The following FANCC variants were observed in gnomAD, a reference collection of about 807,000 sequenced individuals.
FANCC encodes Fanconi anemia group C protein.
In FANCC, 55 loss-of-function variants were observed where a neutral mutation model predicts 71.3. That is an observed-to-expected ratio of 0.77 (90% CI 0.62 to 0.97). FANCC has a LOEUF of 0.97. Ranked by LOEUF, FANCC falls within the 50% of genes least tolerant of loss-of-function variation. The pLI is 0.00. For missense variants in FANCC, 678 were observed against 670.9 expected, an observed-to-expected ratio of 1.01 and a Z score of -0.12; for synonymous variants, 275 against 244.9, an observed-to-expected ratio of 1.12 and a Z score of -1.15.
In FANCC at chr9:95,158,768, AT is replaced by A. The variant is rs1384156572; in HGVS notation, c.522-8682del. 2.0e-5 allele frequency among the ~76,000 whole-genome samples: 3 copies of A among 152,256 alleles called. No homozygotes were observed. In the East Asian group the frequency reaches 5.8e-4, roughly 29 times the overall value. On this transcript the variant is annotated intron_variant, in intron 6 of 14. Coordinates refer to ENST00000289081, the MANE Select transcript of FANCC (RefSeq NM_000136.3). ...TGGACAGATGTTTTTAAAAAGTCAT[AT>A]TTCTTGGTCTCTGCCCGAGGGATGT...
intron 1 of FANCC, among the ~76,000 whole-genome samples, chr9:95,277,584 G>C (rs1250001623): frequency 6.6e-6 from 1 of 152,044 alleles, no homozygotes; most frequent in Non-Finnish European, 1.5e-5. Flanking sequence ...CCCCAAATAA[G>C]ATAAATGCAA....
At chr9:95,310,241 C>A (rs1835307478) in intron 1 of FANCC, among the ~76,000 whole-genome samples, 1 of 152,074 alleles carries the variant, frequency 6.6e-6, no homozygotes, top group Non-Finnish European at 1.5e-5. Flanking sequence ...GTGGTGCATA[C>A]CTGTAGTCCT....
At chr9:95,246,049 C>T (rs1335377990) in intron 3 of FANCC, among the ~76,000 whole-genome samples, 1 of 152,168 alleles carries the variant, frequency 6.6e-6, no homozygotes, top group African/African-American at 2.4e-5. Flanking sequence ...TGTGTGTGTG[C>T]ATATCCACGT....
intron 7 of FANCC, among the ~76,000 whole-genome samples, chr9:95,147,637 G>T (rs1463791417): frequency 6.6e-6 from 1 of 152,126 alleles, no homozygotes; most frequent in Admixed American, 6.6e-5. Context: ...AAAATGTGAG[G>T]AAAGTTATTT....
At chr9:95,164,920 T>C (rs1020198036) in intron 6 of FANCC, among the ~76,000 whole-genome samples, 1 of 152,156 alleles carries the variant, frequency 6.6e-6, no homozygotes, top group Non-Finnish European at 1.5e-5. Context: ...TCCTGGTTTT[T>C]TTCTTTGTTG....
chr9:95,244,341 C>A (rs922881288), intron 3 of FANCC, among the ~76,000 whole-genome samples: 4 of 152,140 alleles, frequency 2.6e-5, no homozygotes, highest in Admixed American at 2.6e-4. Flanking sequence ...TCCTAATGGG[C>A]AGAGACAGTG....
At chr9:95,311,831 A>G (rs1334877100) in intron 1 of FANCC, among the ~76,000 whole-genome samples, 1 of 152,118 alleles carries the variant, frequency 6.6e-6, no homozygotes, top group Non-Finnish European at 1.5e-5. Flanking sequence ...TGTATATAAA[A>G]TGTTTATATC....
intron 1 of FANCC, among the ~76,000 whole-genome samples, chr9:95,275,581 TGCATGTGGGG>T (rs1832987343): frequency 6.6e-6 from 1 of 152,070 alleles, no homozygotes; most frequent in South Asian, 2.1e-4. Context: ...GGGGATGTTA[TGCATGTGGGG>T]GCATGGGGTA....
chr9:95,145,624 C>T (rs1829426718), intron 7 of FANCC: 2 of 152,102 alleles, frequency 1.3e-5, no homozygotes, highest in African/African-American at 4.8e-5. Flanking sequence ...GGGAATGATC[C>T]TTATTTTGTA....
intron 6 of FANCC, among the ~76,000 whole-genome samples, chr9:95,161,055 A>T (rs1189548118): frequency 6.6e-6 from 1 of 152,192 alleles, no homozygotes; most frequent in African/African-American, 2.4e-5. Context: ...GCTTGATGGT[A>T]GGTAGGTGGG....
At chr9:95,194,566 T>C (rs1379995217) in intron 4 of FANCC, among the ~76,000 whole-genome samples, 1 of 152,214 alleles carries the variant, frequency 6.6e-6, no homozygotes, top group Admixed American at 6.5e-5. Flanking sequence ...GATAGCCCAC[T>C]GTGGTTTTAT....
At chr9:95,160,047 C>T (rs1042217991) in intron 6 of FANCC, among the ~76,000 whole-genome samples, 3 of 152,138 alleles carry the variant, frequency 2.0e-5, no homozygotes, top group African/African-American at 7.2e-5. Context: ...TCCCATTTGT[C>T]TATTTTGGCT....
Position 95,123,334 on chromosome 9 carries a change from T to C in FANCC, c.996+1752A>G, listed in dbSNP as rs881791. 150,542 of 328,874 alleles carry C rather than the reference T, an allele frequency of 0.46. 34,848 individuals carry two copies. The highest frequency in any genetic ancestry group is 0.59 in the East Asian group (6,711 of 11,336). The allele number at this position is 328,874 out of a possible 1,614,324, so 20.4% of individuals were successfully genotyped here. On this transcript the variant is annotated intron_variant, in intron 10 of 14. Coordinates refer to ENST00000289081, the MANE Select transcript of FANCC (RefSeq NM_000136.3). The stretch of plus-strand genomic sequence containing the variant: ...ATAAAATAAAATAAAAATATATTTA[T>C]TGTTGCTTTAAAAAGCAGAAACAGG...
chr9:95,262,684 C>T (rs1288119256), intron 1 of FANCC, among the ~76,000 whole-genome samples: 3 of 152,192 alleles, frequency 2.0e-5, no homozygotes, highest in Non-Finnish European at 4.4e-5. Context: ...AATTTCATAG[C>T]AGCGTAACAG....
chr9:95,158,929 T>A (rs1830590579), intron 6 of FANCC, among the ~76,000 whole-genome samples: 2 of 152,054 alleles, frequency 1.3e-5, no homozygotes, highest in Non-Finnish European at 2.9e-5. Context: ...AAGATGAAAA[T>A]GTAACCTAAG....
intron 4 of FANCC, among the ~76,000 whole-genome samples, chr9:95,227,441 G>C (rs922320539): frequency 1.4e-4 from 21 of 152,136 alleles, no homozygotes; most frequent in Non-Finnish European, 2.1e-4. Flanking sequence ...TAGGTGTAAA[G>C]GAACTGTCCA....
intron 1 of FANCC, chr9:95,293,591 G>C: frequency 6.2e-7 from 1 of 1,614,190 alleles, no homozygotes; most frequent in Non-Finnish European, 8.5e-7. Context: ...AGACAGATCT[G>C]TCTTATGCCT....
chr9:95,193,019 C>T lies in FANCC; in HGVS notation c.346-20872G>A, dbSNP rs191464423. 6.2e-3 allele frequency among the ~76,000 whole-genome samples: 950 copies of T among 152,308 alleles called. 6 individuals carry two copies. The highest frequency in any genetic ancestry group is 0.011 in the Non-Finnish European group (769 of 68,020). ...ATTAGGGGATATTTATTGAGCACCT[C>T]CTATGTACCTGGCTTTGGAGATGTA... On this transcript the variant is annotated intron_variant, in intron 4 of 14. Coordinates refer to ENST00000289081, the MANE Select transcript of FANCC (RefSeq NM_000136.3).
chr9:95,182,372 T>C (rs1051105695), intron 4 of FANCC, among the ~76,000 whole-genome samples: 1 of 151,902 alleles, frequency 6.6e-6, no homozygotes, highest in Non-Finnish European at 1.5e-5. Context: ...TACAAAAAAT[T>C]AGCTGGGCAT....
Sources: gnomAD v4.1 joint callset for allele counts (sites outside exome capture counted in the v4.1 genomes callset) on GRCh38, gnomAD v4.1.1 for gene constraint, MANE v1.5 for transcripts, NCBI Gene and HGNC (gene_info 2026-07-23, HGNC 2026-07-21) for gene names.